The following VSTM2L variants were observed in gnomAD, a reference collection of about 807,000 sequenced individuals.
VSTM2L encodes the protein V-set and transmembrane domain containing 2 like.
A neutral mutation model predicts 19.9 loss-of-function variants in VSTM2L; 9 were observed. The observed-to-expected ratio is 0.45, with a 90% CI of 0.27 to 0.79. The LOEUF (loss-of-function observed/expected upper bound fraction) is 0.79, where lower values mean the gene tolerates loss of function less well. Ranked by LOEUF, VSTM2L falls within the 30% of genes least tolerant of loss-of-function variation. The probability of loss-of-function intolerance (pLI) is 0.15; values close to 1 mark genes in which losing one functional copy is unlikely to be tolerated. For synonymous variants in VSTM2L, 127 were observed against 133.8 expected, an observed-to-expected ratio of 0.95 and a Z score of 0.35; for missense variants, 286 against 295.5, an observed-to-expected ratio of 0.97 and a Z score of 0.24.
chr20:37,931,296 C>T (rs972103833), intron 1 of VSTM2L, among the ~76,000 whole-genome samples: 3 of 152,196 alleles, frequency 2.0e-5, no homozygotes, highest in African/African-American at 7.2e-5. Context: ...GGCAGCTCCT[C>T]CCTGGCCTTC....
chr20:37,944,331 A>C lies in VSTM2L; in HGVS notation c.*78A>C. ...GGAGCCGCCGGACCACCGGGGACCGACTGCCTGCGTCCAGCCGCGCCCCAT... is the reference window on the plus strand; with the variant it reads ...GGAGCCGCCGGACCACCGGGGACCGCCTGCCTGCGTCCAGCCGCGCCCCAT... On this transcript the variant is annotated 3_prime_UTR_variant, in exon 4 of 4. Coordinates refer to ENST00000373461, the MANE Select transcript of VSTM2L (RefSeq NM_080607.3). 7.5e-7 allele frequency: 1 copy of C among 1,332,442 alleles called. No homozygotes were observed. The highest frequency in any genetic ancestry group is 9.8e-7 in the Non-Finnish European group (1 of 1,024,852). The allele number at this position is 1,332,442 out of a possible 1,614,324, so 82.5% of individuals were successfully genotyped here. A position where few individuals can be genotyped will look rare whatever the true frequency, so the allele number is the denominator to read the frequency against.
chr20:37,910,292 G>A lies in VSTM2L; in HGVS notation c.121+6821G>A, dbSNP rs116516988. On this transcript the variant is annotated intron_variant, in intron 1 of 3. Coordinates refer to ENST00000373461, the MANE Select transcript of VSTM2L (RefSeq NM_080607.3). ...AGAAAAACATTAAGGACATAATAGC[G>A]CAGGCGGTGCGTGGGCATGTCCGTG... is the stretch of plus-strand genomic sequence containing the variant. Among the ~76,000 whole-genome samples, 559 of 152,304 alleles carry A rather than the reference G, an allele frequency of 3.7e-3. 7 individuals carry two copies. Among genetic ancestry groups the A allele is most frequent in the African/African-American group, 0.012 (496 of 41,564 alleles).
intron 1 of VSTM2L, among the ~76,000 whole-genome samples, chr20:37,908,276 C>T (rs377044486): frequency 2.2e-4 from 34 of 152,282 alleles, no homozygotes; most frequent in East Asian, 1.7e-3. Flanking sequence ...TGGGCAAAGT[C>T]GCCTGCGGCA....
chr20:37,913,002 C>A (rs2072789772), intron 1 of VSTM2L, among the ~76,000 whole-genome samples: 1 of 152,156 alleles, frequency 6.6e-6, no homozygotes, highest in Non-Finnish European at 1.5e-5. Flanking sequence ...CCATTCCTTC[C>A]TTTCTCTCGG....
At chr20:37,939,642 C>G (rs1462898209) in intron 3 of VSTM2L, among the ~76,000 whole-genome samples, 1 of 152,082 alleles carries the variant, frequency 6.6e-6, no homozygotes, top group Non-Finnish European at 1.5e-5. Flanking sequence ...TGTCCTTGCC[C>G]TTCATCCTGT....
At chr20:37,917,700 T>C (rs2072827506) in intron 1 of VSTM2L, among the ~76,000 whole-genome samples, 1 of 152,170 alleles carries the variant, frequency 6.6e-6, no homozygotes, top group African/African-American at 2.4e-5. Flanking sequence ...ACCGTCCCCC[T>C]GGCCCCTTCC....
At chr20:37,918,626 C>G (rs369026135) in intron 1 of VSTM2L, among the ~76,000 whole-genome samples, 1 of 152,180 alleles carries the variant, frequency 6.6e-6, no homozygotes, top group Non-Finnish European at 1.5e-5. Context: ...GGGAAAGATG[C>G]TTTGAAAATA....
rs533975340 is a variant in VSTM2L, at chr20:37,940,552, G to C, written c.343-3429G>C. Among the ~76,000 whole-genome samples the C allele has an allele frequency of 1.2e-3, 178 of 152,376 alleles. 2 individuals are homozygous for C. The highest frequency in any genetic ancestry group is 4.1e-3 in the African/African-American group (172 of 41,592). Reference sequence around the variant, plus strand: ...GCCTGTCACACCACTGGAAGGGTGAGAGCGCATGGAGCCTGTTCCCAGTTC... The same window carrying C: ...GCCTGTCACACCACTGGAAGGGTGACAGCGCATGGAGCCTGTTCCCAGTTC... On this transcript the variant is annotated intron_variant, in intron 3 of 3. Coordinates refer to ENST00000373461, the MANE Select transcript of VSTM2L (RefSeq NM_080607.3).
At chr20:37,930,054 G>A (rs1001338231) in intron 1 of VSTM2L, among the ~76,000 whole-genome samples, 5 of 152,266 alleles carry the variant, frequency 3.3e-5, no homozygotes, top group Non-Finnish European at 5.9e-5. Context: ...ACAGAACAGC[G>A]GCTGGGACTT....
At chr20:37,927,794 A>G (rs1262899375) in intron 1 of VSTM2L, among the ~76,000 whole-genome samples, 1 of 152,058 alleles carries the variant, frequency 6.6e-6, no homozygotes, top group Non-Finnish European at 1.5e-5. Context: ...GCCTCCACCC[A>G]AGGGCGGCCC....
chr20:37,936,051 A>ATTTTTTTTTT (rs5841281), intron 3 of VSTM2L, among the ~76,000 whole-genome samples: 1 of 138,922 alleles, frequency 7.2e-6, no homozygotes. Context: ...TACCTAGCTA[A>ATTTTTTTTTT]TTTTTTTTTT....
intron 1 of VSTM2L, among the ~76,000 whole-genome samples, chr20:37,927,195 C>A (rs748538623): frequency 1.3e-5 from 2 of 152,186 alleles, no homozygotes; most frequent in Non-Finnish European, 2.9e-5. Context: ...GAACTCCTGA[C>A]CTTAGGTGAT....
intron 1 of VSTM2L, among the ~76,000 whole-genome samples, chr20:37,912,357 A>G (rs1026820283): frequency 1.3e-5 from 2 of 152,260 alleles, no homozygotes; most frequent in African/African-American, 4.8e-5. Context: ...TCTGGCTACA[A>G]GCACATGGCT....
chr20:37,909,748 G>A (rs2072769394), intron 1 of VSTM2L, among the ~76,000 whole-genome samples: 1 of 152,126 alleles, frequency 6.6e-6, no homozygotes, highest in South Asian at 2.1e-4. Context: ...ATGAGGATGG[G>A]GGAGTCCAAG....
Position 37,931,615 on chromosome 20 carries a change from TC to T in VSTM2L, c.122-15del. The stretch of plus-strand genomic sequence containing the variant: ...GTGGTTTCCTGAGCCCCGCCATTCT[TC>T]CCCCTGTTTCTTGCACAGCCCTGTT... On this transcript the variant is annotated intron_variant, in intron 1 of 3. Transcript: ENST00000373461. 3.1e-6 allele frequency: 5 copies of T among 1,601,668 alleles called. No individual in the cohort carries two copies. The highest frequency in any genetic ancestry group is 4.3e-6 in the Non-Finnish European group (5 of 1,173,290).
At chr20:37,932,188 C>G (rs1468690051) in intron 2 of VSTM2L, among the ~76,000 whole-genome samples, 1 of 152,188 alleles carries the variant, frequency 6.6e-6, no homozygotes, top group Non-Finnish European at 1.5e-5. Context: ...ACACGGGCAG[C>G]CTTTTTATAA....
intron 3 of VSTM2L, among the ~76,000 whole-genome samples, chr20:37,935,486 C>G (rs1321662569): frequency 6.6e-6 from 1 of 152,182 alleles, no homozygotes; most frequent in Non-Finnish European, 1.5e-5. Context: ...CCCTTCCCCT[C>G]CCGACCCTGG....
chr20:37,943,914 C>A lies in VSTM2L; in HGVS notation c.343-67C>A, dbSNP rs2072989226. On this transcript the variant is annotated intron_variant, in intron 3 of 3. Coordinates refer to ENST00000373461, the MANE Select transcript of VSTM2L (RefSeq NM_080607.3). The stretch of plus-strand genomic sequence containing the variant: ...CCTAGCATGCGATCTTGGGACCCCC[C>A]CCCCCGACTCTTCTTCTCCCCCACT... 1.4e-5 allele frequency: 10 copies of A among 733,832 alleles called. 1 individual carries two copies. The highest frequency in any genetic ancestry group is 7.8e-5 in the East Asian group (2 of 25,650). 45.5% of individuals were successfully genotyped at this position (733,832 alleles called of 1,614,324 possible).
chr20:37,903,466 G>A lies in VSTM2L; in HGVS notation c.116G>A (p.Gly39Asp). The change falls in exon 1 of 4, where the codon GGC becomes GAC. Residue 39 changes from glycine to aspartate, a missense_variant. Physicochemically the swap from Gly to Asp is moderately conservative, Grantham distance 94. Transcript: ENST00000373461. ...GHAPWDNHVS[G>D]HALFTETPHD... ...GCGCCCTGGGACAACCACGTCTCCG[G>A]CCACGGTGAGTTCGGTCGCCGCCCC... 1 of 1,477,124 alleles carries A rather than the reference G, an allele frequency of 6.8e-7. No homozygotes were observed. The highest frequency in any genetic ancestry group is 8.9e-7 in the Non-Finnish European group (1 of 1,120,322). 91.5% of individuals were successfully genotyped at this position (1,477,124 alleles called of 1,614,324 possible).
Sources: allele counts gnomAD v4.1 joint callset (sites outside exome capture counted in the v4.1 genomes callset), GRCh38; gene constraint gnomAD v4.1.1; transcripts MANE v1.5; gene names NCBI Gene and HGNC (gene_info 2026-07-23, HGNC 2026-07-21).